The following PRKAR1B variants were observed in gnomAD, a reference collection of about 807,000 sequenced individuals.
The protein encoded by PRKAR1B is cAMP-dependent protein kinase type I-beta regulatory subunit.
PRKAR1B carries 22 observed loss-of-function variants against 46.5 expected under a neutral mutation model. The observed-to-expected ratio is 0.47, with a 90% CI of 0.34 to 0.68. The LOEUF (loss-of-function observed/expected upper bound fraction) is 0.68, where lower values mean the gene tolerates loss of function less well. Among genes scored for constraint, PRKAR1B ranks in the 30% least tolerant of loss-of-function variants. The probability of loss-of-function intolerance (pLI) is 0.01; values close to 1 mark genes in which losing one functional copy is unlikely to be tolerated. For synonymous variants in PRKAR1B, 259 were observed against 217.7 expected (o/e 1.19, Z -1.67); for missense variants, 445 against 535.6 (o/e 0.83, Z 1.67).
At position 680,645 on chromosome 7, in the gene PRKAR1B, G is replaced by C. The variant is rs199799634; in HGVS notation, c.259C>G (p.Pro87Ala). 105 of 1,613,426 alleles carry C rather than the reference G, an allele frequency of 6.5e-5. No individual in the cohort carries two copies. The highest frequency in any genetic ancestry group is 1.1e-4 in the South Asian group (10 of 91,060). The change falls in exon 3 of 11, where the codon CCG becomes GCG. Residue 87 changes from proline to alanine, a missense_variant. Pro to Ala is a conservative substitution (Grantham distance 27). Around this residue, in one of 5 missense-constraint regions of PRKAR1B, gnomAD observed 155 missense variants for 127.5 expected, o/e 1.22. Coordinates refer to ENST00000537384, the MANE Select transcript of PRKAR1B (RefSeq NM_001164760.2). ...CGGCGGGCCTTCACCACAGGGTTCG[G>C]GGGGGTGGGCGACACCTCCTCATCA... ...SHDEEVSPTP[P>A]NPVVKARRRR...
intron 9 of PRKAR1B, among the ~76,000 whole-genome samples, chr7:571,904 T>C (rs1382256299): frequency 2.0e-5 from 3 of 152,198 alleles, no homozygotes; most frequent in African/African-American, 7.2e-5. Flanking sequence ...TGGCACACAC[T>C]GCCGCCTCTC....
chr7:583,087 G>GGGACGGGGCTCTGTCTCGGGTGA (rs759637284), intron 8 of PRKAR1B, among the ~76,000 whole-genome samples: 1 of 152,046 alleles, frequency 6.6e-6, no homozygotes, highest in Non-Finnish European at 1.5e-5. Context: ...ACGGCTCACA[G>GGGACGGGGCTCTGTCTCGGGTGA]GGACGGGGCT....
At chr7:616,917 C>T (rs1782854686) in intron 4 of PRKAR1B, among the ~76,000 whole-genome samples, 1 of 151,682 alleles carries the variant, frequency 6.6e-6, no homozygotes, top group Non-Finnish European at 1.5e-5. Context: ...GTGCTCATCC[C>T]GGGTAATTTA....
At chr7:629,131 C>T (rs1159124716) in intron 4 of PRKAR1B, among the ~76,000 whole-genome samples, 2 of 152,254 alleles carry the variant, frequency 1.3e-5, no homozygotes, top group African/African-American at 4.8e-5. Context: ...TCAGCCATCA[C>T]CTCCCAGGAC....
intron 4 of PRKAR1B, chr7:608,241 A>G (rs1401862239): frequency 1.3e-5 from 2 of 152,284 alleles, no homozygotes; most frequent in Non-Finnish European, 2.9e-5. Context: ...TCAGCCCACA[A>G]TGTGACGCAG....
chr7:685,381 C>CAT (rs1370202599), intron 2 of PRKAR1B, among the ~76,000 whole-genome samples: 4 of 14,366 alleles, frequency 2.8e-4, no homozygotes, highest in African/African-American at 6.1e-4. Flanking sequence ...TATATATATA[C>CAT]ATACATATAT....
chr7:578,514 G>A (rs938109733), intron 9 of PRKAR1B, among the ~76,000 whole-genome samples: 5 of 152,122 alleles, frequency 3.3e-5, no homozygotes, highest in African/African-American at 4.8e-5. Context: ...GAGAGATCCT[G>A]CGTACCCTGA....
intron 3 of PRKAR1B, among the ~76,000 whole-genome samples, chr7:678,384 G>A (rs912868498): frequency 2.6e-5 from 4 of 152,210 alleles, no homozygotes; most frequent in African/African-American, 9.6e-5. Context: ...ACGTGGTCAT[G>A]TAGTGTGTGC....
intron 9 of PRKAR1B, chr7:565,091 A>C (rs1041634922): frequency 3.9e-5 from 6 of 152,228 alleles, no homozygotes; most frequent in African/African-American, 1.4e-4. Flanking sequence ...GCTTCACTTC[A>C]TTCCTTCAGG....
intron 4 of PRKAR1B, among the ~76,000 whole-genome samples, chr7:641,662 A>G (rs1175433964): frequency 6.6e-6 from 1 of 152,228 alleles, no homozygotes; most frequent in Non-Finnish European, 1.5e-5. Flanking sequence ...AAGAAAGTAC[A>G]TAAATGTGCT....
chr7:719,367 G>C (rs147642095), intron 1 of PRKAR1B, among the ~76,000 whole-genome samples: 1 of 151,818 alleles, frequency 6.6e-6, no homozygotes, highest in African/African-American at 2.4e-5. Context: ...TTGTAGAGAT[G>C]GGGGTCTCAC....
intron 8 of PRKAR1B, among the ~76,000 whole-genome samples, chr7:583,531 C>CA (rs1780380892): frequency 7.9e-6 from 1 of 126,152 alleles, no homozygotes; most frequent in African/African-American, 3.0e-5. Flanking sequence ...GTGCACACAC[C>CA]CACTCACACA....
rs760050047 is a variant in PRKAR1B, at chr7:596,127, T to C, written c.708+19A>G. On this transcript the variant is annotated intron_variant, in intron 7 of 10. Transcript: ENST00000537384. ...CAAGGGTGGGTGTTGGCCTTCTCTG[T>C]GCTTGGGCACCAACTCACCATAAGG... The C allele has an allele frequency of 6.2e-7, 1 of 1,606,308 alleles. No homozygotes were observed. Among genetic ancestry groups the C allele is most frequent in the African/African-American group, 1.3e-5 (1 of 74,814 alleles).
At position 550,676 on chromosome 7, in the gene PRKAR1B, G is replaced by A. The variant is rs1261691743; in HGVS notation, c.974-74C>T. 3.6e-5 allele frequency: 47 copies of A among 1,308,576 alleles called. No homozygotes were observed. In the East Asian group the frequency reaches 1.0e-3, roughly 29 times the overall value. 81.1% of individuals were successfully genotyped at this position (1,308,576 alleles called of 1,614,324 possible). A position where few individuals can be genotyped will look rare whatever the true frequency, so the allele number is the denominator to read the frequency against. Reference sequence around the variant, plus strand: ...TGCAGCAGGGAAAGATTATGTCCAGGACCCTGGAAGCGGCTCCCTTTTAAG... The same window carrying A: ...TGCAGCAGGGAAAGATTATGTCCAGAACCCTGGAAGCGGCTCCCTTTTAAG... On this transcript the variant is annotated intron_variant, in intron 10 of 10. Coordinates refer to ENST00000537384, the MANE Select transcript of PRKAR1B (RefSeq NM_001164760.2).
chr7:699,404 C>G (rs1779943960), intron 2 of PRKAR1B, among the ~76,000 whole-genome samples: 1 of 152,166 alleles, frequency 6.6e-6, no homozygotes, highest in Non-Finnish European at 1.5e-5. Flanking sequence ...AGGGCCCCTC[C>G]CAACGCAGGA....
chr7:704,703 G>A (rs1014363156), intron 2 of PRKAR1B, among the ~76,000 whole-genome samples: 1 of 151,948 alleles, frequency 6.6e-6, no homozygotes, highest in South Asian at 2.1e-4. Flanking sequence ...CAGGAGGGGC[G>A]GGTTGCAGTG....
chr7:672,569 C>T (rs148959774), intron 4 of PRKAR1B, among the ~76,000 whole-genome samples: 96 of 151,760 alleles, frequency 6.3e-4, no homozygotes, highest in South Asian at 2.5e-3. Flanking sequence ...ATTACTGTTG[C>T]TAGAAATAAA....
At chr7:555,192 A>G (rs1028648181) in intron 9 of PRKAR1B, among the ~76,000 whole-genome samples, 1 of 152,186 alleles carries the variant, frequency 6.6e-6, no homozygotes, top group African/African-American at 2.4e-5. Flanking sequence ...AATATGACCC[A>G]TGGGACTGGA....
intron 9 of PRKAR1B, among the ~76,000 whole-genome samples, chr7:564,521 C>T (rs2128428570): frequency 6.6e-6 from 1 of 152,340 alleles, no homozygotes; most frequent in South Asian, 2.1e-4. Context: ...TCCACGTGGG[C>T]AGTCACACAC....
Sources: allele counts gnomAD v4.1 joint callset (sites outside exome capture counted in the v4.1 genomes callset), GRCh38; gene constraint gnomAD v4.1.1; regional missense constraint gnomAD v4.1.1; transcripts MANE v1.5; gene names NCBI Gene and HGNC (gene_info 2026-07-23, HGNC 2026-07-21).